TANC2: variants seen among roughly 807,000 people sequenced by gnomAD.
TANC2 encodes the protein protein TANC2.
In TANC2, 26 loss-of-function variants were observed where a neutral mutation model predicts 210.5. The observed-to-expected ratio is 0.12, with a 90% CI of 0.09 to 0.17. The LOEUF (loss-of-function observed/expected upper bound fraction) is 0.17, where lower values mean the gene tolerates loss of function less well. Among genes scored for constraint, TANC2 ranks in the 10% least tolerant of loss-of-function variants. TANC2 has a pLI of 1.00. For missense variants in TANC2, 2,129 were observed against 2,608.9 expected (o/e 0.82, Z 4.01); for synonymous variants, 931 against 967.1 (o/e 0.96, Z 0.69).
chr17:63,029,748 A>G (rs2034694208), intron 2 of TANC2, among the ~76,000 whole-genome samples: 1 of 152,122 alleles, frequency 6.6e-6, no homozygotes, highest in African/African-American at 2.4e-5. Flanking sequence ...AAGTCTAATA[A>G]AGGAGAGAGA....
chr17:62,994,476 G>C (rs1017376419), intron 1 of TANC2, among the ~76,000 whole-genome samples: 1 of 151,918 alleles, frequency 6.6e-6, no homozygotes, highest in Non-Finnish European at 1.5e-5. Context: ...TAAGCATGAT[G>C]TTAGCCTCAG....
chr17:63,037,227 T>C (rs2035009040), intron 2 of TANC2, among the ~76,000 whole-genome samples: 2 of 152,072 alleles, frequency 1.3e-5, no homozygotes, highest in Admixed American at 1.3e-4. Flanking sequence ...GTATACAGCA[T>C]GGATATGCCA....
chr17:63,382,770 CT>C (rs1467980733), intron 15 of TANC2, among the ~76,000 whole-genome samples: 1 of 152,198 alleles, frequency 6.6e-6, no homozygotes, highest in Non-Finnish European at 1.5e-5. Flanking sequence ...TTCTTCTCAT[CT>C]ATATTTTACA....
intron 14 of TANC2, among the ~76,000 whole-genome samples, chr17:63,379,052 G>A (rs1430099157): frequency 6.6e-6 from 1 of 152,184 alleles, no homozygotes; most frequent in Non-Finnish European, 1.5e-5. Flanking sequence ...CTAATCTAGA[G>A]CGAGGAAAGA....
At chr17:63,314,095 C>T (rs1052099413) in intron 9 of TANC2, among the ~76,000 whole-genome samples, 8 of 152,204 alleles carry the variant, frequency 5.3e-5, no homozygotes, top group African/African-American at 1.7e-4. Flanking sequence ...GTGCTTGGGC[C>T]ATCCCTTCCC....
chr17:63,314,734 A>G, intron 10 of TANC2, 65 bp downstream of exon 10: 2 of 1,559,524 alleles, frequency 1.3e-6, no homozygotes, highest in Admixed American at 1.8e-5. Context: ...ACATATTTAT[A>G]TTAGGTCGTA....
intron 7 of TANC2, among the ~76,000 whole-genome samples, chr17:63,234,675 A>G (rs1321520781): frequency 6.6e-6 from 1 of 152,210 alleles, no homozygotes; most frequent in Non-Finnish European, 1.5e-5. Context: ...AACCCTTAAA[A>G]TATAGTTTCT....
At chr17:63,346,960 C>T (rs1003895993) in intron 12 of TANC2, among the ~76,000 whole-genome samples, 3 of 152,060 alleles carry the variant, frequency 2.0e-5, no homozygotes, top group African/African-American at 7.2e-5. Flanking sequence ...CCCGCCTCAG[C>T]CTCTCAGAGT....
chr17:63,084,506 C>T (rs1276447626), intron 3 of TANC2, among the ~76,000 whole-genome samples: 1 of 151,462 alleles, frequency 6.6e-6, no homozygotes, highest in Non-Finnish European at 1.5e-5. Flanking sequence ...TTGATTTCTG[C>T]TCTAGTTTTT....
At chr17:62,976,155 T>C (rs2031990180) in intron 1 of TANC2, among the ~76,000 whole-genome samples, 1 of 152,210 alleles carries the variant, frequency 6.6e-6, no homozygotes. Context: ...TTATGCATTT[T>C]TTTTGGACTA....
rs570236288 is a variant in TANC2 at position 63,209,310 on chromosome 17, G to T, written c.769+8353G>T. On this transcript the variant is annotated intron_variant, in intron 7 of 27. Coordinates refer to ENST00000689528, the Ensembl canonical transcript of TANC2. ...TTACAGGCATGAGCCACTGCACCCGGCCACACTTTTTTTTTTTCCTTGTTG... is the reference window on the plus strand; with the variant it reads ...TTACAGGCATGAGCCACTGCACCCGTCCACACTTTTTTTTTTTCCTTGTTG... Among the ~76,000 whole-genome samples, 3 of 152,062 alleles carry T rather than the reference G, an allele frequency of 2.0e-5. No homozygotes were observed. In the South Asian group the frequency reaches 6.2e-4, roughly 32 times the overall value.
intron 3 of TANC2, among the ~76,000 whole-genome samples, chr17:63,081,910 A>G (rs1266837805): frequency 6.6e-6 from 1 of 152,164 alleles, no homozygotes; most frequent in Non-Finnish European, 1.5e-5. Context: ...CATGCCTGTA[A>G]TCCCAGCACT....
chr17:63,156,418 T>TG (rs959986212), intron 5 of TANC2, among the ~76,000 whole-genome samples: 8 of 135,968 alleles, frequency 5.9e-5, no homozygotes, highest in African/African-American at 2.1e-4. Flanking sequence ...AAGGTTGAAA[T>TG]GGAAAAAAAA....
chr17:63,186,406 G>A (rs2040986578), intron 5 of TANC2, among the ~76,000 whole-genome samples: 1 of 145,332 alleles, frequency 6.9e-6, no homozygotes, highest in Non-Finnish European at 1.5e-5. Context: ...AGCCTGGAGT[G>A]CAATGGCGCA....
intron 3 of TANC2, chr17:63,088,378 C>T (rs2037054779): frequency 6.6e-6 from 1 of 152,192 alleles, no homozygotes; most frequent in African/African-American, 2.4e-5. Context: ...TGAATAACTT[C>T]TGAAAACCTT....
chr17:63,358,376 A>AGAGTGT (rs1470682571), intron 14 of TANC2, among the ~76,000 whole-genome samples: 192 of 81,044 alleles, frequency 2.4e-3, no homozygotes, highest in African/African-American at 6.8e-3. Context: ...AGAGAGAGAG[A>AGAGTGT]GTATGTGTGT....
chr17:63,270,995 T>C (rs369176818), intron 9 of TANC2, among the ~76,000 whole-genome samples: 30 of 152,176 alleles, frequency 2.0e-4, no homozygotes, highest in Admixed American at 4.6e-4. Context: ...AAGGACATGA[T>C]CTCGTTCTTT....
chr17:63,275,086 C>T (rs1346887387), intron 9 of TANC2, among the ~76,000 whole-genome samples: 1 of 152,142 alleles, frequency 6.6e-6, no homozygotes, highest in Non-Finnish European at 1.5e-5. Flanking sequence ...CAAATTGTAG[C>T]ATAGTGACTT....
chr17:63,171,524 T>A (rs997637638), intron 5 of TANC2, among the ~76,000 whole-genome samples: 10 of 152,228 alleles, frequency 6.6e-5, no homozygotes, highest in Non-Finnish European at 1.3e-4. Context: ...AGAAAAAAAA[T>A]TTTAATAGAG....
Sources: gnomAD v4.1 joint callset for allele counts (sites outside exome capture counted in the v4.1 genomes callset) on GRCh38, gnomAD v4.1.1 for gene constraint, MANE v1.5 for transcripts, NCBI Gene and HGNC (gene_info 2026-07-23, HGNC 2026-07-21) for gene names.